Variants in C8orf74 observed in about 807,000 individuals in gnomAD.
C8orf74 encodes chromosome 8 open reading frame 74.
A neutral mutation model predicts 22.2 loss-of-function variants in C8orf74; 29 were observed. That is an observed-to-expected ratio of 1.31 (90% confidence interval 0.97 to 1.78). The LOEUF is 1.78. C8orf74 is among the 40% of genes most tolerant of loss of function. The pLI is 0.00. For synonymous variants in C8orf74, 255 were observed against 163.1 expected (o/e 1.56, Z -4.30); for missense variants, 515 against 369.9 (o/e 1.39, Z -3.22).
In C8orf74 at chr8:10,678,243, T is replaced by C. The variant is rs75305282; in HGVS notation, c.241+3405T>C. 5.6e-3 allele frequency among the ~76,000 whole-genome samples: 854 copies of C among 152,328 alleles called. 5 individuals carry two copies. The highest frequency in any genetic ancestry group is 0.019 in the African/African-American group (786 of 41,572). On this transcript the variant is annotated intron_variant, in intron 2 of 3. Coordinates refer to ENST00000304519, the MANE Select transcript of C8orf74 (RefSeq NM_001040032.2). ...CAAGTCTCATCCTTCTGAGCCTCTG[T>C]GGACACATCTAGAAAAATGGGGATG...
intron 2 of C8orf74, 66 bp from the exon 3 acceptor site, chr8:10,697,533 A>T: frequency 7.0e-7 from 1 of 1,438,490 alleles, no homozygotes; most frequent in Non-Finnish European, 9.6e-7. Flanking sequence ...TGCAGAGCCC[A>T]CATCCACTGC....
Position 10,672,713 on chromosome 8 carries a change from G to A in C8orf74, c.48G>A (p.Gln16=). ...PQGVKEVFQL[Q]RPQGRERLRR... ...GAGTGAAAGAAGTCTTCCAACTTCA[G>A]GTGAAGGAAGAGAAAATGTGGCTTT... Residue 16 remains glutamine, a splice_region_variant and synonymous_variant, in exon 1 of 4, where the codon CAG becomes CAA. Coordinates refer to ENST00000304519, the MANE Select transcript of C8orf74 (RefSeq NM_001040032.2). 6.4e-7 allele frequency: 1 copy of A among 1,557,058 alleles called. No homozygotes were observed. Among genetic ancestry groups the A allele is most frequent in the Non-Finnish European group, 8.7e-7 (1 of 1,149,700 alleles).
intron 2 of C8orf74, among the ~76,000 whole-genome samples, chr8:10,696,239 G>T (rs966390754): frequency 6.6e-6 from 1 of 151,908 alleles, no homozygotes; most frequent in Non-Finnish European, 1.5e-5. Flanking sequence ...GGAGTGAAGG[G>T]GAGAGGAGGA....
At chr8:10,679,903 C>T (rs1256610620) in intron 2 of C8orf74, 1 of 152,622 alleles carries the variant, frequency 6.6e-6, no homozygotes, top group African/African-American at 2.4e-5. Flanking sequence ...AGACCACAGG[C>T]CTCCCTGGAG....
At chr8:10,689,169 G>A (rs1007775350) in intron 2 of C8orf74, 5 of 152,266 alleles carry the variant, frequency 3.3e-5, no homozygotes, top group African/African-American at 1.2e-4. Flanking sequence ...AGTGGTGATG[G>A]GGAAGGCAGC....
At chr8:10,676,443 T>A (rs1030653970) in intron 2 of C8orf74, among the ~76,000 whole-genome samples, 5 of 152,202 alleles carry the variant, frequency 3.3e-5, no homozygotes, top group Admixed American at 1.3e-4. Flanking sequence ...CTTTCAAATC[T>A]TGCATTCTGC....
chr8:10,686,020 G>C (rs542274999), intron 2 of C8orf74, among the ~76,000 whole-genome samples: 19 of 152,346 alleles, frequency 1.2e-4, no homozygotes, highest in African/African-American at 4.3e-4. Context: ...AGTGAGCCGA[G>C]ATTGCACCAC....
chr8:10,683,941 T>C (rs868782227), intron 2 of C8orf74, among the ~76,000 whole-genome samples: 20 of 152,316 alleles, frequency 1.3e-4, no homozygotes, highest in African/African-American at 4.3e-4. Flanking sequence ...GCCCCTGTTC[T>C]GCCCCATTCT....
intron 2 of C8orf74, among the ~76,000 whole-genome samples, chr8:10,678,599 A>C (rs1799082829): frequency 6.6e-6 from 1 of 152,000 alleles, no homozygotes; most frequent in South Asian, 2.1e-4. Context: ...ATTTAAAAAA[A>C]AAAAAAAAAA....
chr8:10,684,079 T>C (rs531049291), intron 2 of C8orf74, among the ~76,000 whole-genome samples: 1 of 152,290 alleles, frequency 6.6e-6, no homozygotes, highest in East Asian at 1.9e-4. Flanking sequence ...AAGGGGATGA[T>C]GATCATAATC....
intron 2 of C8orf74, chr8:10,691,756 T>G (rs530033485): frequency 6.6e-6 from 1 of 152,296 alleles, no homozygotes; most frequent in Non-Finnish European, 1.5e-5. Context: ...CCCAAGGAAT[T>G]TGATAATCCT....
Position 10,697,872 on chromosome 8 carries a change from C to T in C8orf74, c.515C>T (p.Thr172Met), listed in dbSNP as rs745881705. ...CACGAGCAGCAGGTGGCCACACTGA[C>T]GGAGGCCGAGGCACAGAAGCGCGCC... is the stretch of plus-strand genomic sequence containing the variant. ...WIHEQQVATL[T>M]EAEAQKRADV... is the part of the protein sequence containing the mutation. Residue 172 changes from threonine (T) to methionine (M), a missense_variant, in exon 3 of 4, where the codon ACG (threonine) becomes ATG (methionine). Coordinates refer to ENST00000304519, the MANE Select transcript of C8orf74 (RefSeq NM_001040032.2). 1.2e-6 allele frequency: 2 copies of T among 1,612,690 alleles called. No individual in the cohort carries two copies. The highest frequency in any genetic ancestry group is 1.7e-6 in the Non-Finnish European group (2 of 1,179,288).
At position 10,696,186 on chromosome 8, in the gene C8orf74, C is replaced by T. The variant is rs74467720; in HGVS notation, c.242-1413C>T. Among the ~76,000 whole-genome samples, 1,011 of 152,068 alleles carry T rather than the reference C, an allele frequency of 6.6e-3. 8 individuals carry two copies. The highest frequency in any genetic ancestry group is 0.023 in the African/African-American group (961 of 41,496). ...CAAGCAGATGATGGGAGAGCCCTGC[C>T]TCTGACCACTGTGCTGAGCACCTGA... On this transcript the variant is annotated intron_variant, in intron 2 of 3. Transcript: ENST00000304519.
chr8:10,690,287 G>C (rs1310575257), intron 2 of C8orf74, among the ~76,000 whole-genome samples: 2 of 152,198 alleles, frequency 1.3e-5, no homozygotes, highest in Non-Finnish European at 2.9e-5. Flanking sequence ...GTGACCCAGA[G>C]CATGCATGGC....
At chr8:10,676,916 A>G in intron 2 of C8orf74, among the ~76,000 whole-genome samples, 1 of 152,196 alleles carries the variant, frequency 6.6e-6, no homozygotes, top group East Asian at 1.9e-4. Flanking sequence ...TCAAGTCCCC[A>G]TCAGAGCCTC....
intron 2 of C8orf74, 99 bp downstream of exon 2, chr8:10,674,937 A>G: frequency 9.9e-7 from 1 of 1,014,826 alleles, no homozygotes; most frequent in Non-Finnish European, 1.4e-6. Context: ...GCCTTGGAGG[A>G]GCCAGGGCCC....
chr8:10,698,901 C>CACA (rs1554470269), intron 3 of C8orf74, among the ~76,000 whole-genome samples: 3 of 137,522 alleles, frequency 2.2e-5, no homozygotes, highest in African/African-American at 8.2e-5. Context: ...TACACACACA[C>CACA]CACACACACA....
chr8:10,697,709 T>G lies in C8orf74; in HGVS notation c.352T>G (p.Phe118Val), dbSNP rs758013588. The change falls in exon 3 of 4, where the codon TTC (phenylalanine) becomes GTC (valine). Residue 118 changes from phenylalanine (F) to valine (V), a missense_variant. Transcript: ENST00000304519. ...CCTCTGTGACTACTTCCACCACACCTTCATCCGCCACTACAAACTCTACCA... is the reference window on the plus strand; with the variant it reads ...CCTCTGTGACTACTTCCACCACACCGTCATCCGCCACTACAAACTCTACCA... ...LALCDYFHHT[F>V]IRHYKLYQYV... 1 of 1,613,968 alleles carries G rather than the reference T, an allele frequency of 6.2e-7. No individual in the cohort carries two copies. Among genetic ancestry groups the G allele is most frequent in the Non-Finnish European group, 8.5e-7 (1 of 1,179,878 alleles).
At chr8:10,697,078 G>C (rs1799534125) in intron 2 of C8orf74, among the ~76,000 whole-genome samples, 1 of 152,082 alleles carries the variant, frequency 6.6e-6, no homozygotes, top group Non-Finnish European at 1.5e-5. Flanking sequence ...ATAAGTGTAA[G>C]TTACTGCAAG....
Sources: gnomAD v4.1 joint callset for allele counts (sites outside exome capture counted in the v4.1 genomes callset) on GRCh38, gnomAD v4.1.1 for gene constraint, MANE v1.5 for transcripts, NCBI Gene and HGNC (gene_info 2026-07-23, HGNC 2026-07-21) for gene names.